Variants in SPAST observed in about 807,000 individuals in gnomAD.
SPAST encodes spastic paraplegia 4 (autosomal dominant; spastin).
Under a neutral mutation model 76.6 loss-of-function variants are expected in SPAST, and 30 were observed. That is an observed-to-expected ratio of 0.39 (90% CI 0.29 to 0.53). The LOEUF (loss-of-function observed/expected upper bound fraction) is 0.53. Ranked by LOEUF, SPAST falls within the 20% of genes least tolerant of loss-of-function variation. The pLI is 0.68. For synonymous variants in SPAST, 305 were observed against 281.0 expected (o/e 1.09, Z -0.86); for missense variants, 717 against 770.5 (o/e 0.93, Z 0.82).
At chr2:32,073,956 C>G (rs1362083836) in intron 1 of SPAST, among the ~76,000 whole-genome samples, 1 of 152,156 alleles carries the variant, frequency 6.6e-6, no homozygotes, top group Non-Finnish European at 1.5e-5. Flanking sequence ...TGGGCTTTGT[C>G]AATGCCCTCC....
At chr2:32,087,366 T>G (rs1677524988) in intron 1 of SPAST, 126 bp from the exon 2 acceptor site, 6 of 558,576 alleles carry the variant, frequency 1.1e-5, no homozygotes, top group Non-Finnish European at 2.0e-5. Context: ...TACTAAGAAG[T>G]TATATAGTAA....
At chr2:32,083,400 A>G (rs1054219388) in intron 1 of SPAST, among the ~76,000 whole-genome samples, 1 of 151,962 alleles carries the variant, frequency 6.6e-6, no homozygotes, top group Non-Finnish European at 1.5e-5. Context: ...GAAACTACCA[A>G]ACTGTTTTTC....
chr2:32,137,103 T>C lies in SPAST; in HGVS notation c.1414-6T>C, dbSNP rs375751214. 32 of 1,612,794 alleles carry C rather than the reference T, an allele frequency of 2.0e-5. No individual in the cohort carries two copies. The highest frequency in any genetic ancestry group is 2.6e-5 in the Non-Finnish European group (31 of 1,178,956). ...AATGAATTGAAAAAAGATTTTTTGC[T>C]TGTAGGTACAGTCTGCTGGAGATGA... On this transcript the variant is annotated splice_polypyrimidine_tract_variant and splice_region_variant and intron_variant, in intron 11 of 16. Transcript: ENST00000315285.
intron 4 of SPAST, among the ~76,000 whole-genome samples, chr2:32,099,343 T>C (rs1181081869): frequency 6.6e-6 from 1 of 152,176 alleles, no homozygotes; most frequent in Non-Finnish European, 1.5e-5. Context: ...TAGAAGAAAT[T>C]TGAAACTTCA....
rs1453887433 is a variant in SPAST at position 32,092,980 on chromosome 2, C to G, written c.586+3375C>G. Among the ~76,000 whole-genome samples the G allele has an allele frequency of 3.6e-5, 5 of 139,248 alleles. No homozygotes were observed. In the Admixed American group the frequency reaches 3.9e-4, roughly 11 times the overall value. 91.4% of individuals were successfully genotyped at this position (139,248 alleles called of 152,430 possible). A position where few individuals can be genotyped will look rare whatever the true frequency, so the allele number is the denominator to read the frequency against. On this transcript the variant is annotated intron_variant, in intron 3 of 16. Coordinates refer to ENST00000315285, the MANE Select transcript of SPAST (RefSeq NM_014946.4). ...CAAGATGGCACCACTGCACTCCAGA[C>G]TGGGTGACAGAGAGAGACTCCGTCT...
At chr2:32,137,484 G>C (rs1679577590) in intron 12 of SPAST, among the ~76,000 whole-genome samples, 1 of 152,100 alleles carries the variant, frequency 6.6e-6, no homozygotes, top group African/African-American at 2.4e-5. Context: ...CTTTTATTGG[G>C]CTTCATGAGA....
intron 4 of SPAST, among the ~76,000 whole-genome samples, chr2:32,112,044 C>T (rs1678634794): frequency 6.7e-6 from 1 of 150,024 alleles, no homozygotes; most frequent in Non-Finnish European, 1.5e-5. Flanking sequence ...CCTCCATCTC[C>T]CGGGTTCAAG....
At chr2:32,093,762 A>G (rs565010201) in intron 3 of SPAST, among the ~76,000 whole-genome samples, 2 of 152,300 alleles carry the variant, frequency 1.3e-5, no homozygotes, top group South Asian at 4.1e-4. Context: ...CCTTGGCACT[A>G]TACCTGATAC....
rs1419395449 is a variant in SPAST at position 32,104,449 on chromosome 2, CCA to C, written c.682+5559_682+5560del. Among the ~76,000 whole-genome samples, 6 of 152,096 alleles carry C rather than the reference CCA, an allele frequency of 3.9e-5. No homozygotes were observed. In the South Asian group the frequency reaches 6.2e-4, roughly 16 times the overall value. On this transcript the variant is annotated intron_variant, in intron 4 of 16. Transcript: ENST00000315285. ...TTTAATTGGAGCATTTAGCCCATTT[CCA>C]TTTAAGGTTAATATTGTTATGTTTG...
intron 16 of SPAST, 87 bp downstream of exon 16, chr2:32,147,345 G>GTTTTTTTTTTTTTTTTTTT (rs71407417): frequency 6.7e-6 from 1 of 148,268 alleles, no homozygotes; most frequent in African/African-American, 5.8e-5. Context: ...TGTGTGTGTG[G>GTTTTTTTTTTTTTTTTTTT]TTTTTTTTTT....
intron 5 of SPAST, 80 bp from the exon 6 acceptor site, chr2:32,115,622 G>A: frequency 9.1e-7 from 1 of 1,094,068 alleles, no homozygotes; most frequent in Non-Finnish European, 1.4e-6. Context: ...CTTGAATTCT[G>A]TGAACTTTAA....
intron 1 of SPAST, among the ~76,000 whole-genome samples, chr2:32,066,993 CCAA>C (rs1676544285): frequency 7.2e-5 from 3 of 41,678 alleles, no homozygotes; most frequent in Non-Finnish European, 1.5e-4. Flanking sequence ...AAAAAAAAAA[CCAA>C]AAAAAAAAAA....
intron 1 of SPAST, among the ~76,000 whole-genome samples, chr2:32,084,482 A>G (rs893325453): frequency 6.6e-5 from 10 of 152,082 alleles, no homozygotes; most frequent in African/African-American, 1.9e-4. Context: ...TTTCTTAAGC[A>G]TATATCTTAA....
At chr2:32,064,479 C>G (rs1676430661) in intron 1 of SPAST, among the ~76,000 whole-genome samples, 1 of 152,190 alleles carries the variant, frequency 6.6e-6, no homozygotes, top group Non-Finnish European at 1.5e-5. Context: ...CACCAGCCTT[C>G]CCCCACACTT....
At chr2:32,066,230 C>T (rs1288055202) in intron 1 of SPAST, 1 of 152,272 alleles carries the variant, frequency 6.6e-6, no homozygotes, top group East Asian at 1.9e-4. Context: ...CTGCCTCGAC[C>T]TTCCAAGTGC....
At chr2:32,074,036 G>GGA (rs1676855120) in intron 1 of SPAST, among the ~76,000 whole-genome samples, 1 of 152,132 alleles carries the variant, frequency 6.6e-6, no homozygotes, top group East Asian at 1.9e-4. Context: ...CTGTAGCCAG[G>GGA]GAGAACACAC....
intron 3 of SPAST, among the ~76,000 whole-genome samples, chr2:32,091,343 C>G (rs1490406597): frequency 6.7e-6 from 1 of 149,306 alleles, no homozygotes; most frequent in Non-Finnish European, 1.5e-5. Context: ...TGCAGTGGTG[C>G]AATCTCGGCT....
In SPAST at chr2:32,119,299, C is replaced by CAGTT. The variant is rs570201536; in HGVS notation, c.1098+3088_1098+3089insGTTA. ...TGAATGGGTAAGACTTATCCCATAA[C>CAGTT]ACGCCTCTATTGTGTAAAAAAATCA... On this transcript the variant is annotated intron_variant, in intron 7 of 16. Transcript: ENST00000315285. 1.7e-4 allele frequency among the ~76,000 whole-genome samples: 26 copies of CAGTT among 152,268 alleles called. 1 individual carries two copies. The East Asian group carries it at 4.8e-3, about 28-fold the overall frequency.
chr2:32,070,054 TAA>T (rs372054738), intron 1 of SPAST, among the ~76,000 whole-genome samples: 52 of 139,546 alleles, frequency 3.7e-4, no homozygotes, highest in African/African-American at 1.3e-3. Context: ...TATGGCATAC[TAA>T]AAAAAAAAAA....
Sources: allele counts gnomAD v4.1 joint callset (sites outside exome capture counted in the v4.1 genomes callset), GRCh38; gene constraint gnomAD v4.1.1; transcripts MANE v1.5; gene names NCBI Gene and HGNC (gene_info 2026-07-23, HGNC 2026-07-21).